Variants in KLHL29 observed in about 807,000 individuals in gnomAD.
KLHL29 encodes kelch like family member 29, also known as kelch-like protein 29.
In KLHL29, 21 loss-of-function variants were observed where a neutral mutation model predicts 80.4. The observed-to-expected ratio is 0.26, with a 90% CI of 0.19 to 0.38. The LOEUF is 0.38. Among genes scored for constraint, KLHL29 ranks in the 10% least tolerant of loss-of-function variants. KLHL29 has a pLI of 1.00. For synonymous variants in KLHL29, 511 were observed against 526.8 expected, an observed-to-expected ratio of 0.97 and a Z score of 0.41; for missense variants, 867 against 1,223.9, an observed-to-expected ratio of 0.71 and a Z score of 4.35.
rs1008635497 is a variant in KLHL29, at chr2:23,562,515, G to T, written c.285+34G>T. On this transcript the variant is annotated intron_variant, in intron 3 of 13. Coordinates refer to ENST00000486442, the MANE Select transcript of KLHL29 (RefSeq NM_052920.2). The surrounding 1 kb of genome is among the most constrained non-coding windows in gnomAD (Gnocchi z 4.5). ...TGGTGTCATCTCTGAGCAGGAGCCG[G>T]ACAGAGGGGCCCTGCCTCCCTGCAG... The T allele has an allele frequency of 2.0e-6, 3 of 1,531,188 alleles. No homozygotes were observed. The highest frequency in any genetic ancestry group is 1.2e-5 in the South Asian group (1 of 83,478). The allele number at this position is 1,531,188 out of a possible 1,614,324, so 94.9% of individuals were successfully genotyped here. A position where few individuals can be genotyped will look rare whatever the true frequency, so the allele number is the denominator to read the frequency against.
rs7579344 is a variant in KLHL29 at position 23,639,237 on chromosome 2, T to C, written c.384T>C (p.Thr128=). 5.2e-4 allele frequency: 801 copies of C among 1,549,046 alleles called. 3 individuals carry two copies. The African/African-American group carries it at 9.9e-3, about 19-fold the overall frequency. Residue 128 remains threonine, a synonymous_variant, in exon 4 of 14, where the codon ACT becomes ACC. Coordinates refer to ENST00000486442, the MANE Select transcript of KLHL29 (RefSeq NM_052920.2). ...TCAATCAGTCCACACCCTGGGACAC[T>C]GATGAGCCACCCTCCAAACAGATGA... ...TPINQSTPWD[T]DEPPSKQMRE...
At chr2:23,701,622 AG>A (rs1672371971) in intron 11 of KLHL29, among the ~76,000 whole-genome samples, 1 of 152,042 alleles carries the variant, frequency 6.6e-6, no homozygotes, top group African/African-American at 2.4e-5. Flanking sequence ...CTGAGGTGGG[AG>A]AATTGTTTAA....
chr2:23,442,455 A>G (rs1280131601), intron 1 of KLHL29, among the ~76,000 whole-genome samples: 2 of 152,278 alleles, frequency 1.3e-5, no homozygotes, highest in South Asian at 2.1e-4. Context: ...AGATGTGATG[A>G]CAGGAGCAAT....
At chr2:23,550,308 G>C (rs1484938573) in intron 2 of KLHL29, among the ~76,000 whole-genome samples, 1 of 152,128 alleles carries the variant, frequency 6.6e-6, no homozygotes, top group East Asian at 1.9e-4. Flanking sequence ...GGAGTGGAGC[G>C]CCAGAACAGG....
At chr2:23,392,703 T>G (rs933904118) in intron 1 of KLHL29, among the ~76,000 whole-genome samples, 4 of 152,220 alleles carry the variant, frequency 2.6e-5, no homozygotes, top group African/African-American at 9.7e-5. Flanking sequence ...CACAGATCCC[T>G]CAGCTACCAG....
At chr2:23,386,800 G>A (rs1666194790) in intron 1 of KLHL29, among the ~76,000 whole-genome samples, 1 of 152,118 alleles carries the variant, frequency 6.6e-6, no homozygotes, top group African/African-American at 2.4e-5. Flanking sequence ...GCCGGGGTAG[G>A]TCGGAGGTGG....
At chr2:23,574,474 C>T (rs918235078) in intron 3 of KLHL29, among the ~76,000 whole-genome samples, 5 of 152,084 alleles carry the variant, frequency 3.3e-5, no homozygotes, top group Admixed American at 3.3e-4. Flanking sequence ...TGGGTGAACG[C>T]GCTTTATTAA....
At chr2:23,649,678 C>T (rs1471331702) in intron 5 of KLHL29, among the ~76,000 whole-genome samples, 1 of 152,246 alleles carries the variant, frequency 6.6e-6, no homozygotes, top group Non-Finnish European at 1.5e-5. Flanking sequence ...AGAAGCCCTG[C>T]TCTGGCCCCA....
intron 2 of KLHL29, among the ~76,000 whole-genome samples, chr2:23,490,425 A>G (rs1382019521): frequency 1.3e-5 from 2 of 152,216 alleles, no homozygotes; most frequent in Non-Finnish European, 2.9e-5. Flanking sequence ...TTCCTAGGCT[A>G]GTGGAATTAA....
At chr2:23,704,998 G>A (rs1267385842) in intron 13 of KLHL29, among the ~76,000 whole-genome samples, 2 of 152,252 alleles carry the variant, frequency 1.3e-5, no homozygotes, top group Non-Finnish European at 2.9e-5. Flanking sequence ...AGTTCTATCT[G>A]TGAAACAGGC....
At chr2:23,579,121 G>T (rs1667918212) in intron 3 of KLHL29, among the ~76,000 whole-genome samples, 1 of 152,224 alleles carries the variant, frequency 6.6e-6, no homozygotes, top group South Asian at 2.1e-4. Context: ...TAAGCCATTT[G>T]TGGAGGGCCA....
chr2:23,618,727 A>G (rs1436311292), intron 3 of KLHL29, among the ~76,000 whole-genome samples: 2 of 152,134 alleles, frequency 1.3e-5, no homozygotes, highest in Admixed American at 6.5e-5. Flanking sequence ...TTTCTATGCT[A>G]TTAGTTCCGT....
chr2:23,686,525 G>A (rs1301962983), intron 6 of KLHL29, among the ~76,000 whole-genome samples: 2 of 152,174 alleles, frequency 1.3e-5, no homozygotes, highest in Non-Finnish European at 2.9e-5. Flanking sequence ...GATGGGCAGA[G>A]GATGGGCAGG....
intron 3 of KLHL29, among the ~76,000 whole-genome samples, chr2:23,628,817 A>G (rs951606157): frequency 1.1e-4 from 17 of 152,164 alleles, no homozygotes; most frequent in Admixed American, 1.1e-3. Flanking sequence ...AAATCTGAAA[A>G]TAACAAAGGC....
intron 5 of KLHL29, among the ~76,000 whole-genome samples, chr2:23,676,478 G>C (rs1558435385): frequency 6.6e-6 from 1 of 152,204 alleles, no homozygotes; most frequent in Non-Finnish European, 1.5e-5. Context: ...CACCGCACCT[G>C]GCCGAGGATG....
intron 1 of KLHL29, among the ~76,000 whole-genome samples, chr2:23,433,865 G>A (rs1663256073): frequency 6.6e-6 from 1 of 152,122 alleles, no homozygotes; most frequent in Admixed American, 6.5e-5. Context: ...GCTGCAGTAA[G>A]TTACAATCAC....
intron 2 of KLHL29, among the ~76,000 whole-genome samples, chr2:23,490,871 G>C (rs146057829): frequency 6.6e-6 from 1 of 152,166 alleles, no homozygotes; most frequent in Admixed American, 6.5e-5. Context: ...GGCCCATCCA[G>C]TTGCCAGCTG....
chr2:23,615,849 G>A (rs569240026), intron 3 of KLHL29, among the ~76,000 whole-genome samples: 8 of 152,254 alleles, frequency 5.3e-5, no homozygotes, highest in African/African-American at 1.4e-4. Context: ...CGTCAGCGTC[G>A]CTGTTCCTTT....
chr2:23,484,919 G>A (rs578208512), intron 2 of KLHL29, among the ~76,000 whole-genome samples: 9 of 152,232 alleles, frequency 5.9e-5, no homozygotes, highest in East Asian at 5.8e-4. Context: ...TTCCAGAAGC[G>A]CCTCTCCCAT....
Sources: gnomAD v4.1 joint callset for allele counts (sites outside exome capture counted in the v4.1 genomes callset) on GRCh38, gnomAD v4.1.1 for gene constraint, Gnocchi (gnomAD v3.1) non-coding constraint, MANE v1.5 for transcripts, NCBI Gene and HGNC (gene_info 2026-07-23, HGNC 2026-07-21) for gene names.